TCN2: variants seen among roughly 807,000 people sequenced by gnomAD.
The protein encoded by TCN2 is transcobalamin-2.
A neutral mutation model predicts 48.6 loss-of-function variants in TCN2; 34 were observed. The observed-to-expected ratio is 0.70, with a 90% CI of 0.53 to 0.93. The LOEUF (loss-of-function observed/expected upper bound fraction) is 0.93. Ranked by LOEUF, TCN2 falls within the 40% of genes least tolerant of loss-of-function variation. TCN2 has a pLI of 0.00. For missense variants in TCN2, 652 were observed against 526.1 expected, an observed-to-expected ratio of 1.24 and a Z score of -2.34; for synonymous variants, 283 against 212.5, an observed-to-expected ratio of 1.33 and a Z score of -2.89.
At position 30,623,000 on chromosome 22, in the gene TCN2, A is replaced by G. The variant is rs746024609; in HGVS notation, c.1139A>G (p.Tyr380Cys). Residue 380 changes from tyrosine (Y) to cysteine (C), a missense_variant, in exon 8 of 9, where the codon TAC (tyrosine) becomes TGC (cysteine). Coordinates refer to ENST00000215838, the MANE Select transcript of TCN2 (RefSeq NM_000355.4). ...ACACAGGCCTCCTTGTCAGGCCCCT[A>G]CTTAACCTCCGTGATGGGGAAAGCG... ...YETQASLSGP[Y>C]LTSVMGKAAG... is the part of the protein sequence containing the mutation. 18 of 1,613,912 alleles carry G rather than the reference A, an allele frequency of 1.1e-5. 1 individual carries two copies. The highest frequency in any genetic ancestry group is 4.0e-5 in the African/African-American group (3 of 74,940).
chr22:30,618,540 C>T (rs1363464040), intron 7 of TCN2, among the ~76,000 whole-genome samples: 2 of 152,050 alleles, frequency 1.3e-5, no homozygotes. Flanking sequence ...TTAGTAGAGA[C>T]AGGGTTTTAC....
chr22:30,608,021 C>T (rs1468865218), intron 1 of TCN2, among the ~76,000 whole-genome samples: 1 of 152,160 alleles, frequency 6.6e-6, no homozygotes, highest in African/African-American at 2.4e-5. Flanking sequence ...CTTCGGAGGT[C>T]CTGCCTGCTC....
intron 6 of TCN2, among the ~76,000 whole-genome samples, chr22:30,617,009 G>A (rs2087621147): frequency 6.6e-6 from 1 of 152,124 alleles, no homozygotes; most frequent in Non-Finnish European, 1.5e-5. Context: ...GCATGTTCTA[G>A]GAAGAGCCCT....
In TCN2 at chr22:30,615,798, T is replaced by C. The variant is rs202139921; in HGVS notation, c.940+11T>C. On this transcript the variant is annotated intron_variant, in intron 6 of 8. Coordinates refer to ENST00000215838, the MANE Select transcript of TCN2 (RefSeq NM_000355.4). The stretch of plus-strand genomic sequence containing the variant: ...GTCTGGCACCACGAGGTAGCCCAAC[T>C]TTTTGTGGAAGCACAGCCCTTTACA... The C allele has an allele frequency of 3.2e-4, 524 of 1,614,032 alleles. No homozygotes were observed. The highest frequency in any genetic ancestry group is 4.2e-4 in the Non-Finnish European group (495 of 1,180,008).
At chr22:30,610,142 GA>G (rs1417143532) in intron 1 of TCN2, 2 of 465,024 alleles carry the variant, frequency 4.3e-6, no homozygotes, top group African/African-American at 4.0e-5. Context: ...GCACAGCTTC[GA>G]ATAAATCCCA....
In TCN2 at chr22:30,615,397, T is replaced by C; in HGVS notation, c.677T>C (p.Val226Ala). ...RQRITMAIRTVREEILKAQTP... is the reference protein window; with the variant it reads ...RQRITMAIRTAREEILKAQTP... Reference sequence around the variant, plus strand: ...CGGATCACCATGGCCATCAGAACAGTGCGAGAGGAGATCTTGAAGGCCCAG... The same window carrying C: ...CGGATCACCATGGCCATCAGAACAGCGCGAGAGGAGATCTTGAAGGCCCAG... Residue 226 changes from valine to alanine, a missense_variant, in exon 5 of 9, where the codon GTG becomes GCG. Physicochemically the swap from Val to Ala is moderately conservative, Grantham distance 64. Transcript: ENST00000215838. The C allele has an allele frequency of 1.2e-6, 2 of 1,614,092 alleles. No homozygotes were observed. The highest frequency in any genetic ancestry group is 2.2e-5 in the South Asian group (2 of 91,070).
intron 7 of TCN2, among the ~76,000 whole-genome samples, 183 bp from the exon 8 acceptor site, chr22:30,622,785 G>A (rs2087717886): frequency 1.3e-5 from 2 of 152,184 alleles, no homozygotes; most frequent in South Asian, 4.1e-4. Context: ...CAGGATCGGG[G>A]GTCTGGAGGG....
rs1472234344 is a variant in TCN2 at position 30,614,373 on chromosome 22, A to T, written c.452A>T (p.His151Leu). The T allele has an allele frequency of 1.9e-6, 3 of 1,613,944 alleles. No individual in the cohort carries two copies. Among genetic ancestry groups the T allele is most frequent in the Non-Finnish European group, 2.5e-6 (3 of 1,180,006 alleles). ...AIGHDHKGHP[H>L]TSYYQYGLGI... ...GGGCATGATCACAAGGGCCACCCCC[A>T]CACTAGCTACTACCAGTATGGCCTG... Residue 151 changes from histidine (H) to leucine (L), a missense_variant, in exon 4 of 9, where the codon CAC becomes CTC. His to Leu is a moderately conservative substitution (Grantham distance 99). Transcript: ENST00000215838.
At chr22:30,621,592 C>T (rs1159617685) in intron 7 of TCN2, among the ~76,000 whole-genome samples, 1 of 152,194 alleles carries the variant, frequency 6.6e-6, no homozygotes, top group Non-Finnish European at 1.5e-5. Flanking sequence ...AAGTGATTCT[C>T]CTGCCTCAGT....
In TCN2 at chr22:30,622,790, G is replaced by A. The variant is rs2301956; in HGVS notation, c.1107-178G>A. Among the ~76,000 whole-genome samples the A allele has an allele frequency of 0.7, 106,853 of 152,040 alleles. 39,169 individuals are homozygous for A. Among genetic ancestry groups the A allele is most frequent in the African/African-American group, 0.92 (38,363 of 41,514 alleles). On this transcript the variant is annotated intron_variant, in intron 7 of 8. Transcript: ENST00000215838. ...CCTGAGCAGGCAGGATCGGGGGTCT[G>A]GAGGGGAAGGAGGTGGAAGTTGAGA...
chr22:30,612,895 G>A lies in TCN2; in HGVS notation c.280G>A (p.Gly94Ser), dbSNP rs11557600. The change falls in exon 3 of 9, where the codon GGT (glycine) becomes AGT (serine). Residue 94 changes from glycine (G) to serine (S), a missense_variant. Gly to Ser is a moderately conservative substitution (Grantham distance 56). Coordinates refer to ENST00000215838, the MANE Select transcript of TCN2 (RefSeq NM_000355.4). The stretch of plus-strand genomic sequence containing the variant: ...TAGGTCTGCCTTCAGCGAGGATGAC[G>A]GTGACTGCCAGGGCAAGCCTTCCAT... ...LLGSAFSEDDGDCQGKPSMGQ... is the reference protein window; with the variant it reads ...LLGSAFSEDDSDCQGKPSMGQ... 4,081 of 1,613,952 alleles carry A rather than the reference G, an allele frequency of 2.5e-3. 7 individuals carry two copies. The highest frequency in any genetic ancestry group is 2.9e-3 in the Non-Finnish European group (3,470 of 1,180,026).
At position 30,610,892 on chromosome 22, in the gene TCN2, A is replaced by G. The variant is rs778457875; in HGVS notation, c.86A>G (p.His29Arg). The G allele has an allele frequency of 1.9e-6, 3 of 1,614,072 alleles. No individual in the cohort carries two copies. The highest frequency in any genetic ancestry group is 2.2e-5 in the East Asian group (1 of 44,886). Reference sequence around the variant, plus strand: ...TAAGAAATACCAGAGATGGACAGCCATCTGGTAGAGAAGTTGGGCCAGCAC... The same window carrying G: ...TAAGAAATACCAGAGATGGACAGCCGTCTGGTAGAGAAGTTGGGCCAGCAC... The part of the protein sequence containing the change: ...EMCEIPEMDS[H>R]LVEKLGQHLL... The change falls in exon 2 of 9, where the codon CAT becomes CGT. Residue 29 changes from histidine to arginine, a missense_variant. By Grantham distance (29) the His-to-Arg change is conservative. Transcript: ENST00000215838.
At position 30,614,342 on chromosome 22, in the gene TCN2, C is replaced by G. The variant is rs778810764; in HGVS notation, c.428-7C>G. 6.2e-7 allele frequency: 1 copy of G among 1,614,012 alleles called. No individual in the cohort carries two copies. The highest frequency in any genetic ancestry group is 8.5e-7 in the Non-Finnish European group (1 of 1,179,960). ...AGAGGCAACCCCTCTGTTTTTTTCC[C>G]TCTCAGGGCATGATCACAAGGGCCA... is the stretch of plus-strand genomic sequence containing the variant. On this transcript the variant is annotated splice_region_variant and splice_polypyrimidine_tract_variant and intron_variant, in intron 3 of 8. Transcript: ENST00000215838.
At position 30,623,717 on chromosome 22, in the gene TCN2, C is replaced by CACACATATATATGTATACGTATATAT. The variant is rs1569046226; in HGVS notation, c.1222+652_1222+653insGTATATATACACATATATATGTATAC. On this transcript the variant is annotated intron_variant, in intron 8 of 8. Transcript: ENST00000215838. The stretch of plus-strand genomic sequence containing the variant: ...TATATGAAATATATATATATACAGA[C>CACACATATATATGTATACGTATATAT]ACACATATATATGTATACATATATA... Among the ~76,000 whole-genome samples the CACACATATATATGTATACGTATATAT allele has an allele frequency of 4.6e-5, 6 of 129,994 alleles. 1 individual carries two copies. The highest frequency in any genetic ancestry group is 1.9e-4 in the African/African-American group (6 of 30,854). 85.3% of individuals were successfully genotyped at this position (129,994 alleles called of 152,430 possible).
At chr22:30,623,287 G>T in intron 8 of TCN2, 1 of 462,938 alleles carries the variant, frequency 2.2e-6, no homozygotes, top group East Asian at 3.5e-5. Flanking sequence ...TAGGAAACCA[G>T]ACAGATTACA....
rs1291541793 is a variant in TCN2, at chr22:30,623,735, CAT to C, written c.1222+660_1222+661del. 2.2e-4 allele frequency among the ~76,000 whole-genome samples: 20 copies of C among 90,536 alleles called. 1 individual carries two copies. Among genetic ancestry groups the C allele is most frequent in the African/African-American group, 5.3e-4 (9 of 17,010 alleles). The allele number at this position is 90,536 out of a possible 152,430, so 59.4% of individuals were successfully genotyped here. ...ATACAGACACACATATATATGTATA[CAT>C]ATATATACACACATATATATGTATA... On this transcript the variant is annotated intron_variant, in intron 8 of 8. Transcript: ENST00000215838.
intron 7 of TCN2, among the ~76,000 whole-genome samples, 184 bp from the exon 8 acceptor site, chr22:30,622,784 G>T (rs772395045): frequency 2.7e-4 from 41 of 152,202 alleles, no homozygotes; most frequent in Admixed American, 1.2e-3. Context: ...GCAGGATCGG[G>T]GGTCTGGAGG....
chr22:30,623,921 T>TACACACACAC (rs1297964959), intron 8 of TCN2, among the ~76,000 whole-genome samples: 1 of 23,358 alleles, frequency 4.3e-5, no homozygotes, highest in Non-Finnish European at 8.7e-5. Context: ...TACACACATA[T>TACACACACAC]ATATGTATAC....
At chr22:30,623,216 G>A in intron 8 of TCN2, 133 bp downstream of exon 8, 1 of 778,898 alleles carries the variant, frequency 1.3e-6, no homozygotes, top group African/African-American at 1.8e-5. Flanking sequence ...GATGCTCAAA[G>A]TTGGATATAA....
Sources: gnomAD v4.1 joint callset for allele counts (sites outside exome capture counted in the v4.1 genomes callset) on GRCh38, gnomAD v4.1.1 for gene constraint, MANE v1.5 for transcripts, NCBI Gene and HGNC (gene_info 2026-07-23, HGNC 2026-07-21) for gene names.